Variants in ABCA9 observed in about 807,000 individuals in gnomAD.
The protein encoded by ABCA9 is ATP binding cassette subfamily A member 9, also known as ATP-binding cassette sub-family A member 9.
ABCA9 carries 183 observed loss-of-function variants against 205.3 expected under a neutral mutation model. That is an observed-to-expected ratio of 0.89 (90% CI 0.79 to 1.01). The LOEUF is 1.01. Among genes scored for constraint, ABCA9 ranks in the 50% least tolerant of loss-of-function variants. ABCA9 has a pLI of 0.00. For missense variants in ABCA9, 1,805 were observed against 1,912.4 expected, an observed-to-expected ratio of 0.94 and a Z score of 1.05; for synonymous variants, 651 against 683.3, an observed-to-expected ratio of 0.95 and a Z score of 0.74.
rs1270694950 is a variant in ABCA9, at chr17:69,038,391, C to T, written c.801-2590G>A. 7.9e-5 allele frequency among the ~76,000 whole-genome samples: 12 copies of T among 152,042 alleles called. 1 individual carries two copies. The highest frequency in any genetic ancestry group is 2.7e-4 in the African/African-American group (11 of 41,422). ...ACCATGATCAACTTGGCTTCATCCC[C>T]GGGATGCAAGGCAGGTTCAACATAT... On this transcript the variant is annotated intron_variant, in intron 6 of 38. Transcript: ENST00000340001.
At chr17:69,050,986 T>C in intron 2 of ABCA9, 45 bp downstream of exon 2, 1 of 1,563,614 alleles carries the variant, frequency 6.4e-7, no homozygotes, top group East Asian at 2.3e-5. Flanking sequence ...GATAAAATAC[T>C]TTTTCATCCT....
chr17:69,062,181 C>A (rs2144565230), upstream of ABCA9, among the ~76,000 whole-genome samples: 3 of 150,756 alleles, frequency 2.0e-5, 1 homozygote, highest in Admixed American at 2.0e-4. Context: ...CATATGTCTA[C>A]AGAAAAGGTT....
At chr17:69,045,086 G>T in intron 4 of ABCA9, 86 bp downstream of exon 4, 1 of 1,077,990 alleles carries the variant, frequency 9.3e-7, no homozygotes, top group Non-Finnish European at 1.3e-6. Flanking sequence ...ATATGTTTGT[G>T]TAGTTTCACC....
intron 31 of ABCA9, among the ~76,000 whole-genome samples, chr17:68,987,740 T>G (rs186614966): frequency 7.2e-6 from 1 of 139,772 alleles, no homozygotes; most frequent in Non-Finnish European, 1.5e-5. Flanking sequence ...ATTTGCGTTT[T>G]TTTTTGTTTG....
intron 2 of ABCA9, among the ~76,000 whole-genome samples, chr17:69,050,123 G>T (rs1334591677): frequency 6.6e-6 from 1 of 151,784 alleles, no homozygotes; most frequent in Non-Finnish European, 1.5e-5. Flanking sequence ...TTAGCTATGT[G>T]TGTTGGTCTA....
At chr17:69,018,390 C>T (rs187657271) in intron 20 of ABCA9, 23 bp downstream of exon 20, 2 of 1,501,116 alleles carry the variant, frequency 1.3e-6, no homozygotes, top group Middle Eastern at 1.8e-4. Context: ...CATTTAACAG[C>T]TGCATTTCAG....
rs763419693 is a variant in ABCA9 at position 69,043,667 on chromosome 17, C to T, written c.622G>A (p.Val208Ile). 8.7e-6 allele frequency: 14 copies of T among 1,612,128 alleles called. No homozygotes were observed. The South Asian group carries it at 1.4e-4, about 17-fold the overall frequency. Residue 208 changes from valine (V) to isoleucine (I), a missense_variant, in exon 6 of 39, where the codon GTA becomes ATA. Transcript: ENST00000340001. ...VMEQLMSVTGVHMKILPFVAQ... is the reference protein window; with the variant it reads ...VMEQLMSVTGIHMKILPFVAQ... ...ACAAAAGGTAATATCTTCATATGTA[C>T]ACCAGTAACTGACATCAGCTGTTCC...
upstream of ABCA9, among the ~76,000 whole-genome samples, chr17:69,063,518 T>G (rs2072305214): frequency 6.6e-6 from 1 of 152,226 alleles, no homozygotes; most frequent in South Asian, 2.1e-4. Context: ...TGCTTTTCAT[T>G]CTTTCTCAGA....
chr17:69,004,279 T>C (rs1054298410), intron 25 of ABCA9, among the ~76,000 whole-genome samples: 3 of 152,210 alleles, frequency 2.0e-5, no homozygotes, highest in African/African-American at 7.2e-5. Context: ...ATGATGGTGA[T>C]GTACAGATGG....
chr17:69,031,063 T>C (rs1410628632), intron 10 of ABCA9, among the ~76,000 whole-genome samples: 2 of 152,130 alleles, frequency 1.3e-5, no homozygotes, highest in Non-Finnish European at 2.9e-5. Flanking sequence ...TTCCTAACAG[T>C]CAGCTATGTG....
chr17:68,993,795 G>A (rs1296707066), intron 26 of ABCA9, among the ~76,000 whole-genome samples: 4 of 152,034 alleles, frequency 2.6e-5, no homozygotes, highest in Non-Finnish European at 2.9e-5. Flanking sequence ...GTTTTCTTAG[G>A]TGCCCCAGTT....
chr17:69,049,263 T>C lies in ABCA9; in HGVS notation c.304+20A>G. 4 of 1,556,256 alleles carry C rather than the reference T, an allele frequency of 2.6e-6. No homozygotes were observed. Among genetic ancestry groups the C allele is most frequent in the South Asian group, 2.4e-5 (2 of 83,382 alleles). On this transcript the variant is annotated intron_variant, in intron 3 of 38. Transcript: ENST00000340001. ...CCTTTTGCAAATAAGGAAATTACTA[T>C]GAACAACCAGGGAACATACCTTTTA...
In ABCA9 at chr17:69,020,260, ATTTC is replaced by A. The variant is rs999121924; in HGVS notation, c.2600+124_2600+127del. 1.8e-5 allele frequency: 16 copies of A among 865,464 alleles called. No individual in the cohort carries two copies. The African/African-American group carries it at 1.9e-4, about 10-fold the overall frequency. 53.6% of individuals were successfully genotyped at this position (865,464 alleles called of 1,614,324 possible). ...AAATGGTTTCTTTAATTAAAAAATG[ATTTC>A]TTTGTTTAAAAGACAATGTGCATTT... On this transcript the variant is annotated intron_variant, in intron 19 of 38. Coordinates refer to ENST00000340001, the MANE Select transcript of ABCA9 (RefSeq NM_080283.4).
At position 68,986,235 on chromosome 17, in the gene ABCA9, C is replaced by T. The variant is rs1164162978; in HGVS notation, c.4137G>A (p.Val1379=). The change falls in exon 32 of 39, where the codon GTG becomes GTA. Residue 1379 remains valine (V), a synonymous_variant. Transcript: ENST00000340001. Reference sequence around the variant, plus strand: ...CAGCGTACACCTCCAGGTGCTGCCTCACTGTCAGGTTGGGCCACAGCGCAT... The same window carrying T: ...CAGCGTACACCTCCAGGTGCTGCCTTACTGTCAGGTTGGGCCACAGCGCAT... ...QENALWPNLT[V]RQHLEVYAAV... 2.5e-6 allele frequency: 4 copies of T among 1,614,076 alleles called. No individual in the cohort carries two copies. The highest frequency in any genetic ancestry group is 3.4e-6 in the Non-Finnish European group (4 of 1,179,962).
At chr17:68,994,504 G>T (rs1488682979) in intron 26 of ABCA9, among the ~76,000 whole-genome samples, 1 of 152,166 alleles carries the variant, frequency 6.6e-6, no homozygotes, top group African/African-American at 2.4e-5. Flanking sequence ...GAAAAGTAGG[G>T]CAGAGGGTCT....
At chr17:68,997,384 A>G (rs1054179178) in intron 25 of ABCA9, among the ~76,000 whole-genome samples, 7 of 152,126 alleles carry the variant, frequency 4.6e-5, no homozygotes, top group Non-Finnish European at 7.4e-5. Context: ...GAACTCTTCA[A>G]CTTTATGAAT....
chr17:68,975,860 A>ATATT lies in ABCA9; in HGVS notation c.*51_*54dup. On this transcript the variant is annotated 3_prime_UTR_variant, in exon 39 of 39. Transcript: ENST00000340001. ...ATATAAGGCATATTAAGGCTATAAA[A>ATATT]TATTATCTTTAAAAGAGTCACAGGA... 1 of 1,353,236 alleles carries ATATT rather than the reference A, an allele frequency of 7.4e-7. No individual in the cohort carries two copies. Among genetic ancestry groups the ATATT allele is most frequent in the Non-Finnish European group, 1.0e-6 (1 of 965,118 alleles). The allele number at this position is 1,353,236 out of a possible 1,614,324, so 83.8% of individuals were successfully genotyped here. A position where few individuals can be genotyped will look rare whatever the true frequency, so the allele number is the denominator to read the frequency against.
chr17:69,027,790 T>A lies in ABCA9; in HGVS notation c.1641A>T (p.Thr547=). The A allele has an allele frequency of 6.2e-7, 1 of 1,612,010 alleles. No homozygotes were observed. The highest frequency in any genetic ancestry group is 8.5e-7 in the Non-Finnish European group (1 of 1,179,026). ...TTTCTATATCAGCCATTCTTGAAAG[T>A]GTGTGATTATAGACAGTGACTGAAC... ...TSGSVTVYNH[T]LSRMADIENI... is the part of the protein sequence containing the mutation. The change falls in exon 13 of 39, where the codon ACA becomes ACT. Residue 547 remains threonine (T), a synonymous_variant. Coordinates refer to ENST00000340001, the MANE Select transcript of ABCA9 (RefSeq NM_080283.4).
chr17:69,021,430 A>G lies in ABCA9; in HGVS notation c.2401+312T>C, dbSNP rs74528644. Among the ~76,000 whole-genome samples, 669 of 152,276 alleles carry G rather than the reference A, an allele frequency of 4.4e-3. 9 individuals are homozygous for G. The highest frequency in any genetic ancestry group is 0.015 in the African/African-American group (636 of 41,570). On this transcript the variant is annotated intron_variant, in intron 18 of 38. Transcript: ENST00000340001. ...ATCACTGAAATGCTACCAGAAAAGT[A>G]GCATTTCTGTGAACTCTAATTTTCT... is the stretch of plus-strand genomic sequence containing the variant.
Sources: allele counts gnomAD v4.1 joint callset (sites outside exome capture counted in the v4.1 genomes callset), GRCh38; gene constraint gnomAD v4.1.1; transcripts MANE v1.5; gene names NCBI Gene and HGNC (gene_info 2026-07-23, HGNC 2026-07-21).